GAS7: variants seen among roughly 807,000 people sequenced by gnomAD.
The protein encoded by GAS7 is growth arrest-specific protein 7.
GAS7 carries 28 observed loss-of-function variants against 71.1 expected under a neutral mutation model. The ratio of observed to expected loss-of-function variants is 0.39; its 90% CI spans 0.29 to 0.54. The LOEUF is 0.54. GAS7 is among the 20% of genes least tolerant of loss of function. The pLI, the probability that GAS7 is intolerant of heterozygous loss-of-function variation, is 0.62. For synonymous variants in GAS7, 258 were observed against 245.8 expected (o/e 1.05, Z -0.46); for missense variants, 436 against 627.8 (o/e 0.69, Z 3.27).
At chr17:10,033,999 C>T (rs1370671390) in intron 1 of GAS7, 1 of 359,230 alleles carries the variant, frequency 2.8e-6, no homozygotes, top group African/African-American at 2.2e-5. Flanking sequence ...GTAAGGGGTG[C>T]AATTCTCACC....
intron 3 of GAS7, among the ~76,000 whole-genome samples, chr17:9,975,484 T>G (rs2070157755): frequency 6.6e-6 from 1 of 151,726 alleles, no homozygotes; most frequent in Non-Finnish European, 1.5e-5. Context: ...GGCTTCTTTT[T>G]CCTTCCTCCC....
intron 1 of GAS7, among the ~76,000 whole-genome samples, chr17:10,135,362 G>A (rs1311857995): frequency 6.6e-6 from 1 of 152,100 alleles, no homozygotes; most frequent in East Asian, 1.9e-4. Context: ...GGGTGTCCAA[G>A]GCCCACCTCC....
intron 1 of GAS7, among the ~76,000 whole-genome samples, chr17:10,054,400 G>A (rs929606296): frequency 2.6e-5 from 4 of 152,120 alleles, no homozygotes; most frequent in African/African-American, 9.7e-5. Context: ...GGCAGGCTTG[G>A]TGTTGCTAGA....
intron 1 of GAS7, among the ~76,000 whole-genome samples, chr17:10,134,993 C>T (rs558968769): frequency 2.0e-5 from 3 of 151,980 alleles, no homozygotes; most frequent in African/African-American, 7.2e-5. Flanking sequence ...CCACCACGCC[C>T]GGGTAATTCT....
intron 1 of GAS7, among the ~76,000 whole-genome samples, chr17:10,131,400 A>G (rs931626780): frequency 1.3e-5 from 2 of 152,220 alleles, no homozygotes; most frequent in Admixed American, 6.5e-5. Context: ...AGGCAGGCAG[A>G]TCACTTAAAG....
At chr17:9,998,809 T>C (rs982805233) in intron 2 of GAS7, among the ~76,000 whole-genome samples, 6 of 151,162 alleles carry the variant, frequency 4.0e-5, no homozygotes, top group African/African-American at 1.5e-4. Flanking sequence ...TGCATTCCTG[T>C]GAGATGCCCC....
chr17:10,161,944 G>C (rs951389145), intron 1 of GAS7, among the ~76,000 whole-genome samples: 4 of 151,780 alleles, frequency 2.6e-5, no homozygotes, highest in African/African-American at 9.7e-5. Flanking sequence ...GCGGGCGCCT[G>C]TATTTCCAGC....
rs893248493 is a variant in GAS7 at position 9,911,457 on chromosome 17, A to G, written c.*5771T>C. On this transcript the variant is annotated 3_prime_UTR_variant, in exon 14 of 14. Coordinates refer to ENST00000432992, the MANE Select transcript of GAS7 (RefSeq NM_201433.2). This position sits in a 1 kb window ranked among gnomAD's most constrained non-coding sequence, Gnocchi z 4.0. Reference sequence around the variant, plus strand: ...ACCAAGGAACAGTCCTGAACACCACACGCAATCTCCAAAGGCCATCGCCCC... The same window carrying G: ...ACCAAGGAACAGTCCTGAACACCACGCGCAATCTCCAAAGGCCATCGCCCC... The G allele has an allele frequency of 1.3e-5, 3 of 232,842 alleles. No individual in the cohort carries two copies. The highest frequency in any genetic ancestry group is 2.5e-5 in the Non-Finnish European group (3 of 117,972). 14.4% of individuals were successfully genotyped at this position (232,842 alleles called of 1,614,324 possible).
chr17:9,992,142 G>A (rs1266843390), intron 2 of GAS7, among the ~76,000 whole-genome samples: 6 of 152,098 alleles, frequency 3.9e-5, no homozygotes, highest in South Asian at 2.1e-4. Flanking sequence ...GGACGGTCAC[G>A]GAACCCAGCC....
In GAS7 at chr17:9,996,932, G is replaced by A. The variant is rs371540890; in HGVS notation, c.305-15048C>T. 3.5e-4 allele frequency among the ~76,000 whole-genome samples: 53 copies of A among 151,010 alleles called. 1 individual carries two copies. The East Asian group carries it at 8.5e-3, about 24-fold the overall frequency. ...TGGGATTACAGGCATGAGCCACCGCGCCAGGCCAGAAGACTATATTTTTAT... is the reference window on the plus strand; with the variant it reads ...TGGGATTACAGGCATGAGCCACCGCACCAGGCCAGAAGACTATATTTTTAT... On this transcript the variant is annotated intron_variant, in intron 2 of 13. Transcript: ENST00000432992.
chr17:10,173,407 G>A (rs2074349766), intron 1 of GAS7, among the ~76,000 whole-genome samples: 2 of 151,968 alleles, frequency 1.3e-5, no homozygotes, highest in Non-Finnish European at 2.9e-5. Context: ...AGAGAAGGAG[G>A]AATGATTCCT....
intron 4 of GAS7, among the ~76,000 whole-genome samples, chr17:9,960,617 C>T (rs528286994): frequency 6.6e-6 from 1 of 152,354 alleles, no homozygotes; most frequent in Admixed American, 6.5e-5. Flanking sequence ...CCCCGCCCCT[C>T]AGGCCAGCAC....
At chr17:10,035,331 G>C (rs2072722052) in intron 1 of GAS7, among the ~76,000 whole-genome samples, 1 of 152,160 alleles carries the variant, frequency 6.6e-6, no homozygotes, top group Non-Finnish European at 1.5e-5. Flanking sequence ...GCAGCATGAA[G>C]TTCTCTGGGA....
chr17:10,181,604 G>C (rs2074417397), intron 1 of GAS7, among the ~76,000 whole-genome samples: 1 of 152,114 alleles, frequency 6.6e-6, no homozygotes, highest in Non-Finnish European at 1.5e-5. Context: ...GAGATAGACA[G>C]GGGTTGGGTC....
intron 2 of GAS7, among the ~76,000 whole-genome samples, chr17:9,988,291 C>T (rs2070715774): frequency 6.6e-6 from 1 of 152,228 alleles, no homozygotes. Flanking sequence ...AGCCCTGCCA[C>T]TCCGTTTCTC....
intron 3 of GAS7, among the ~76,000 whole-genome samples, chr17:9,970,286 A>G (rs1337696347): frequency 1.3e-5 from 2 of 152,196 alleles, no homozygotes; most frequent in Non-Finnish European, 2.9e-5. Flanking sequence ...ATTAATAGTC[A>G]GGTGATCATA....
intron 1 of GAS7, among the ~76,000 whole-genome samples, chr17:10,134,319 C>T (rs1323911361): frequency 6.6e-6 from 1 of 152,168 alleles, no homozygotes; most frequent in African/African-American, 2.4e-5. Context: ...GTGTGAGCCA[C>T]ATTTTCTTTA....
At chr17:10,075,723 A>G (rs1713305418) in intron 1 of GAS7, among the ~76,000 whole-genome samples, 1 of 150,720 alleles carries the variant, frequency 6.6e-6, no homozygotes, top group African/African-American at 2.4e-5. Flanking sequence ...TGGGACCAGG[A>G]GATTGAGGCT....
At chr17:10,172,858 G>C (rs1293984053) in intron 1 of GAS7, among the ~76,000 whole-genome samples, 1 of 152,200 alleles carries the variant, frequency 6.6e-6, no homozygotes, top group African/African-American at 2.4e-5. Context: ...TCAGCATCTG[G>C]AGGCAGAACT....
Sources: gnomAD v4.1 joint callset for allele counts (sites outside exome capture counted in the v4.1 genomes callset) on GRCh38, gnomAD v4.1.1 for gene constraint, Gnocchi (gnomAD v3.1) non-coding constraint, MANE v1.5 for transcripts, NCBI Gene and HGNC (gene_info 2026-07-23, HGNC 2026-07-21) for gene names.